The following SLCO5A1 variants were observed in gnomAD, a reference collection of about 807,000 sequenced individuals.
SLCO5A1 encodes the protein solute carrier organic anion transporter family member 5A1.
In SLCO5A1, 39 loss-of-function variants were observed where a neutral mutation model predicts 65.1. That is an observed-to-expected ratio of 0.60 (90% CI 0.46 to 0.78). SLCO5A1 has a LOEUF of 0.78. SLCO5A1 is among the 30% of genes least tolerant of loss of function. The probability of loss-of-function intolerance (pLI) is 0.00; values close to 1 mark genes in which losing one functional copy is unlikely to be tolerated. For synonymous variants in SLCO5A1, 438 were observed against 415.7 expected (o/e 1.05, Z -0.65); for missense variants, 1,029 against 1,069.4 (o/e 0.96, Z 0.53).
intron 7 of SLCO5A1, among the ~76,000 whole-genome samples, chr8:69,681,136 T>C (rs1028397518): frequency 7.9e-5 from 12 of 152,178 alleles, no homozygotes; most frequent in African/African-American, 1.4e-4. Flanking sequence ...CAATTTATCA[T>C]TGCAGTTTAA....
intron 4 of SLCO5A1, among the ~76,000 whole-genome samples, chr8:69,753,056 A>T (rs1325012148): frequency 6.6e-6 from 1 of 152,188 alleles, no homozygotes; most frequent in Non-Finnish European, 1.5e-5. Context: ...TCCAAAAATC[A>T]TTTTTGAATT....
intron 2 of SLCO5A1, among the ~76,000 whole-genome samples, chr8:69,784,946 GAAAGA>G (rs1818989310): frequency 8.2e-6 from 1 of 122,556 alleles, no homozygotes; most frequent in African/African-American, 3.2e-5. Context: ...AAGAAAGAAA[GAAAGA>G]AGAAAGGAAG....
intron 5 of SLCO5A1, among the ~76,000 whole-genome samples, chr8:69,725,572 C>A (rs1816025565): frequency 6.6e-6 from 1 of 152,014 alleles, no homozygotes; most frequent in African/African-American, 2.4e-5. Flanking sequence ...ACTTGAATGC[C>A]TGGAAAAAGA....
chr8:69,689,551 AC>A (rs1814151580), intron 6 of SLCO5A1, among the ~76,000 whole-genome samples: 1 of 140,312 alleles, frequency 7.1e-6, no homozygotes, highest in Admixed American at 7.0e-5. Context: ...TCAGCTTTCT[AC>A]ATATGGCTAG....
At chr8:69,783,063 A>G (rs1033889462) in intron 2 of SLCO5A1, among the ~76,000 whole-genome samples, 2 of 152,182 alleles carry the variant, frequency 1.3e-5, no homozygotes, top group African/African-American at 2.4e-5. Flanking sequence ...AAATGAAACA[A>G]TGTACATAAA....
At chr8:69,703,996 G>A in intron 6 of SLCO5A1, among the ~76,000 whole-genome samples, 1 of 152,206 alleles carries the variant, frequency 6.6e-6, no homozygotes, top group East Asian at 1.9e-4. Flanking sequence ...ACAAGTTGGT[G>A]ACATGAAATC....
intron 8 of SLCO5A1, among the ~76,000 whole-genome samples, chr8:69,677,614 C>A (rs1222369763): frequency 6.6e-6 from 1 of 152,146 alleles, no homozygotes; most frequent in African/African-American, 2.4e-5. Context: ...AAGTGCTGCA[C>A]ACAGGTTGTT....
intron 2 of SLCO5A1, among the ~76,000 whole-genome samples, chr8:69,785,148 A>C (rs1416744216): frequency 6.6e-6 from 1 of 152,134 alleles, no homozygotes; most frequent in African/African-American, 2.4e-5. Context: ...CAGCAATTCC[A>C]TTCTTAGATT....
At chr8:69,691,078 G>A (rs750289917) in intron 6 of SLCO5A1, among the ~76,000 whole-genome samples, 1 of 152,182 alleles carries the variant, frequency 6.6e-6, no homozygotes, top group Non-Finnish European at 1.5e-5. Flanking sequence ...TTTATGTAAA[G>A]CATCACTTAA....
intron 2 of SLCO5A1, among the ~76,000 whole-genome samples, chr8:69,795,416 C>G (rs942174209): frequency 6.6e-6 from 1 of 152,154 alleles, no homozygotes; most frequent in Non-Finnish European, 1.5e-5. Context: ...GGCTACAGAC[C>G]CCTTACAAGT....
intron 9 of SLCO5A1, 117 bp from the exon 10 acceptor site, chr8:69,673,443 C>G: frequency 1.2e-6 from 1 of 805,340 alleles, no homozygotes; most frequent in East Asian, 2.5e-5. Flanking sequence ...GAGGGATTTT[C>G]TTGTGTTACC....
chr8:69,762,093 G>A (rs1371648609), intron 2 of SLCO5A1, among the ~76,000 whole-genome samples: 1 of 152,124 alleles, frequency 6.6e-6, no homozygotes, highest in Non-Finnish European at 1.5e-5. Context: ...ATCATTGGGA[G>A]AGCTTTTTGG....
At chr8:69,754,004 C>CA (rs71556780) in intron 4 of SLCO5A1, among the ~76,000 whole-genome samples, 4,975 of 73,024 alleles carry the variant, frequency 0.068, 181 homozygotes, top group Middle Eastern at 0.11. Flanking sequence ...TGACCTATCT[C>CA]AAAAAAAAAA....
chr8:69,737,960 G>A, intron 5 of SLCO5A1, 80 bp downstream of exon 5: 3 of 1,471,346 alleles, frequency 2.0e-6, no homozygotes, highest in Non-Finnish European at 2.8e-6. Flanking sequence ...TTCGATGTTA[G>A]ATTGAACTTT....
chr8:69,688,261 C>T (rs1034491545), intron 6 of SLCO5A1, among the ~76,000 whole-genome samples: 1 of 152,108 alleles, frequency 6.6e-6, no homozygotes, highest in East Asian at 1.9e-4. Flanking sequence ...AAACTTCTTT[C>T]CCCTCTAATT....
intron 5 of SLCO5A1, among the ~76,000 whole-genome samples, chr8:69,708,991 A>T (rs983248325): frequency 6.6e-6 from 1 of 152,224 alleles, no homozygotes; most frequent in African/African-American, 2.4e-5. Flanking sequence ...AGAGAAGTCC[A>T]GTAAGAAAGA....
chr8:69,831,979 G>C lies in SLCO5A1; in HGVS notation c.695C>G (p.Pro232Arg). The change falls in exon 2 of 10, where the codon CCC becomes CGC. Residue 232 changes from proline to arginine, a missense_variant. Physicochemically the swap from Pro to Arg is moderately radical, Grantham distance 103. Coordinates refer to ENST00000260126, the MANE Select transcript of SLCO5A1 (RefSeq NM_030958.3). Reference sequence around the variant, plus strand: ...GCCACCCTGACACAGGCCGTCGTTGGGGGCCGAGGCGTTCAACTCTTGGAT... The same window carrying C: ...GCCACCCTGACACAGGCCGTCGTTGCGGGCCGAGGCGTTCAACTCTTGGAT... ...YQIQELNASA[P>R]NDGLCQGGNS... 1 of 1,592,842 alleles carries C rather than the reference G, an allele frequency of 6.3e-7. No individual in the cohort carries two copies.
intron 8 of SLCO5A1, among the ~76,000 whole-genome samples, chr8:69,678,281 A>G (rs1158457394): frequency 6.6e-6 from 1 of 152,064 alleles, no homozygotes; most frequent in African/African-American, 2.4e-5. Flanking sequence ...GGTCTGAAAA[A>G]ACTCCCTAGG....
intron 2 of SLCO5A1, among the ~76,000 whole-genome samples, chr8:69,764,432 C>G (rs1817956938): frequency 6.6e-6 from 1 of 152,166 alleles, no homozygotes; most frequent in Admixed American, 6.5e-5. Context: ...AACACCTGCT[C>G]TCACTTTTCA....
Sources: allele counts gnomAD v4.1 joint callset (sites outside exome capture counted in the v4.1 genomes callset), GRCh38; gene constraint gnomAD v4.1.1; transcripts MANE v1.5; gene names NCBI Gene and HGNC (gene_info 2026-07-23, HGNC 2026-07-21).